The following SPATA21 variants were observed in gnomAD, a reference collection of about 807,000 sequenced individuals.
The protein encoded by SPATA21 is spermatogenesis associated 21, also known as spermatogenesis-associated protein 21.
A neutral mutation model predicts 54.8 loss-of-function variants in SPATA21; 47 were observed. The observed-to-expected ratio is 0.86, with a 90% CI of 0.68 to 1.09. The LOEUF (loss-of-function observed/expected upper bound fraction) is 1.09. SPATA21 is among the 50% of genes least tolerant of loss of function. The probability of loss-of-function intolerance (pLI) is 0.00; values close to 1 mark genes in which losing one functional copy is unlikely to be tolerated. For synonymous variants in SPATA21, 245 were observed against 235.3 expected, an observed-to-expected ratio of 1.04 and a Z score of -0.38; for missense variants, 599 against 596.4, an observed-to-expected ratio of 1.00 and a Z score of -0.05.
Position 16,406,268 on chromosome 1 carries a change from A to C in SPATA21, c.674-1164T>G, listed in dbSNP as rs375251982. ...CCAAAGTGCTGGAGTTACAGGCATG[A>C]GCCGCTGCGCCCGGCCTGGCTCTGC... On this transcript the variant is annotated intron_variant, in intron 7 of 12. Transcript: ENST00000335496. Among the ~76,000 whole-genome samples, 16 of 152,230 alleles carry C rather than the reference A, an allele frequency of 1.1e-4. No homozygotes were observed. In the East Asian group the frequency reaches 2.3e-3, roughly 22 times the overall value.
chr1:16,424,378 A>C lies in SPATA21; in HGVS notation c.35-2407T>G, dbSNP rs964470460. 3.7e-4 allele frequency among the ~76,000 whole-genome samples: 55 copies of C among 150,148 alleles called. 1 individual carries two copies. Among genetic ancestry groups the C allele is most frequent in the African/African-American group, 1.3e-3 (53 of 40,954 alleles). On this transcript the variant is annotated intron_variant, in intron 3 of 12. Transcript: ENST00000335496. ...TGGTCAAATAAGTTTGGGAAAGGCA[A>C]TATACTCTAACCATATCTTTTTAAA...
rs1399909141 is a variant in SPATA21 at position 16,421,922 on chromosome 1, T to C, written c.84A>G (p.Lys28=). ...GGATGATGACTTACCCTCCTTTTGC[T>C]TTTTTAGGTCCAGGCGTGGATGGCA... is the stretch of plus-strand genomic sequence containing the variant. ...PFLPSTPGPK[K]AKGGGEAVET... Residue 28 remains lysine, a synonymous_variant, in exon 4 of 13, where the codon AAA becomes AAG. Transcript: ENST00000335496. This position sits in a 1 kb window ranked among gnomAD's most constrained non-coding sequence, Gnocchi z 5.2. The C allele has an allele frequency of 1.2e-6, 2 of 1,614,162 alleles. No individual in the cohort carries two copies. Among genetic ancestry groups the C allele is most frequent in the East Asian group, 4.5e-5 (2 of 44,886 alleles).
chr1:16,434,027 C>T (rs2086525089), intron 1 of SPATA21, among the ~76,000 whole-genome samples: 1 of 152,252 alleles, frequency 6.6e-6, no homozygotes, highest in African/African-American at 2.4e-5. Context: ...CAAACCCAGC[C>T]CTAGGTAACC....
At chr1:16,434,675 T>C (rs1409622616) in intron 1 of SPATA21, among the ~76,000 whole-genome samples, 1 of 152,152 alleles carries the variant, frequency 6.6e-6, no homozygotes, top group African/African-American at 2.4e-5. Context: ...TACATTTGCA[T>C]TTCTCTTGGT....
At chr1:16,400,583 A>C (rs143050299) in intron 11 of SPATA21, 137 bp downstream of exon 11, 2 of 1,486,604 alleles carry the variant, frequency 1.3e-6, no homozygotes, top group Non-Finnish European at 1.8e-6. Flanking sequence ...TCTGATGTAC[A>C]CAGTTAAGCC....
chr1:16,408,648 G>T, intron 7 of SPATA21: 1 of 379,890 alleles, frequency 2.6e-6, no homozygotes, highest in Non-Finnish European at 3.6e-6. Flanking sequence ...GAGGTGGGTG[G>T]ATCACTTGAG....
At chr1:16,399,719 A>G (rs1221164219) in intron 11 of SPATA21, among the ~76,000 whole-genome samples, 198 bp from the exon 12 acceptor site, 1 of 152,212 alleles carries the variant, frequency 6.6e-6, no homozygotes, top group Non-Finnish European at 1.5e-5. Context: ...GGATTAAAGG[A>G]GAAATATATG....
At chr1:16,425,358 G>A in intron 3 of SPATA21, 1 of 721,950 alleles carries the variant, frequency 1.4e-6, no homozygotes, top group South Asian at 1.7e-5. Context: ...ATAGCTCATT[G>A]TAGCCTTGAC....
chr1:16,414,968 A>G (rs979508985), intron 5 of SPATA21, among the ~76,000 whole-genome samples: 1 of 151,188 alleles, frequency 6.6e-6, no homozygotes, highest in African/African-American at 2.4e-5. Context: ...CCCATGTCGA[A>G]GACTCCTTTA....
chr1:16,414,186 C>G (rs577970103), intron 5 of SPATA21, among the ~76,000 whole-genome samples: 8 of 152,144 alleles, frequency 5.3e-5, no homozygotes, highest in Admixed American at 3.3e-4. Context: ...GTGCCTCAGC[C>G]TCCCGAGTAG....
chr1:16,405,098 C>CG lies in SPATA21; in HGVS notation c.679dup (p.Arg227ProfsTer5). 6.2e-7 allele frequency: 1 copy of CG among 1,608,904 alleles called. No homozygotes were observed. Among genetic ancestry groups the CG allele is most frequent in the African/African-American group, 1.3e-5 (1 of 74,740 alleles). ...ACCATTGAAGATCTCAAAGTAGCTG[C>CG]GGAAGGCTGTGGGGAGGGCAGGGTT... On this transcript the variant is annotated frameshift_variant, in exon 8 of 13. Transcript: ENST00000335496. LOFTEE classifies it high-confidence loss of function.
chr1:16,405,269 A>G (rs1262937560), intron 7 of SPATA21, among the ~76,000 whole-genome samples, 165 bp from the exon 8 acceptor site: 1 of 152,090 alleles, frequency 6.6e-6, no homozygotes, highest in East Asian at 1.9e-4. Flanking sequence ...TGGGAGGCTG[A>G]GGCAGGCAGA....
rs565278921 is a variant in SPATA21, at chr1:16,428,981, A to G, written c.34+2357T>C. Among the ~76,000 whole-genome samples the G allele has an allele frequency of 4.3e-4, 66 of 152,148 alleles. No homozygotes were observed. Among genetic ancestry groups the G allele is most frequent in the African/African-American group, 1.6e-3 (65 of 41,526 alleles). ...TAAGTGGTGGGACTGGGACCCCATGACGGTGCTTGTTGAAAAAATAAATGG... is the reference window on the plus strand; with the variant it reads ...TAAGTGGTGGGACTGGGACCCCATGGCGGTGCTTGTTGAAAAAATAAATGG... On this transcript the variant is annotated intron_variant, in intron 3 of 12. Transcript: ENST00000335496. The surrounding 1 kb of genome is among the most constrained non-coding windows in gnomAD (Gnocchi z 4.3).
intron 12 of SPATA21, 135 bp from the exon 13 acceptor site, chr1:16,398,957 G>T: frequency 1.1e-6 from 1 of 941,890 alleles, no homozygotes; most frequent in Non-Finnish European, 1.6e-6. Flanking sequence ...ACCAGCAGTT[G>T]TGCTTAGGGG....
chr1:16,398,612 G>T, downstream of SPATA21: 1 of 795,660 alleles, frequency 1.3e-6, no homozygotes, highest in Non-Finnish European at 2.0e-6. Flanking sequence ...GTGACAACTT[G>T]AGGGCCTTTC....
At chr1:16,426,580 T>TATATATATATA (rs1553166390) in intron 3 of SPATA21, among the ~76,000 whole-genome samples, 123 of 77,954 alleles carry the variant, frequency 1.6e-3, no homozygotes, top group Non-Finnish European at 2.1e-3. Context: ...TATATATATA[T>TATATATATATA]TTTTTTTTTT....
chr1:16,436,216 G>A (rs186901483), intron 1 of SPATA21, among the ~76,000 whole-genome samples: 7 of 152,058 alleles, frequency 4.6e-5, no homozygotes, highest in Admixed American at 2.6e-4. Context: ...GAGAAACCCC[G>A]TCTCTACTAA....
At chr1:16,433,237 G>A (rs1423114229) in intron 1 of SPATA21, among the ~76,000 whole-genome samples, 3 of 152,204 alleles carry the variant, frequency 2.0e-5, no homozygotes, top group Non-Finnish European at 4.4e-5. Context: ...ACCCAAGTTC[G>A]CACTTCCTTT....
At chr1:16,397,437 G>A (rs1318604396), downstream of SPATA21, 1 of 152,236 alleles carries the variant, frequency 6.6e-6, no homozygotes, top group Admixed American at 6.5e-5. The surrounding 1 kb of genome is among the most constrained non-coding windows in gnomAD (Gnocchi z 5.4). Context: ...ATTTTTTGGG[G>A]GTAGTTGTCT....
Sources: allele counts gnomAD v4.1 joint callset (sites outside exome capture counted in the v4.1 genomes callset), GRCh38; gene constraint gnomAD v4.1.1; non-coding constraint Gnocchi (gnomAD v3.1); transcripts MANE v1.5; gene names NCBI Gene and HGNC (gene_info 2026-07-23, HGNC 2026-07-21).